CELF2: variants seen among roughly 807,000 people sequenced by gnomAD.
CELF2 encodes CUG triplet repeat RNA-binding protein 2.
In CELF2, 8 loss-of-function variants were observed where a neutral mutation model predicts 62.6. That is an observed-to-expected ratio of 0.13 (90% confidence interval 0.07 to 0.23). The LOEUF is 0.23. Ranked by LOEUF, CELF2 falls within the 10% of genes least tolerant of loss-of-function variation. The probability of loss-of-function intolerance (pLI) is 1.00; values close to 1 mark genes in which losing one functional copy is unlikely to be tolerated. For synonymous variants in CELF2, 258 were observed against 250.0 expected, an observed-to-expected ratio of 1.03 and a Z score of -0.30; for missense variants, 333 against 671.0, an observed-to-expected ratio of 0.50 and a Z score of 5.56.
At chr10:10,674,370 A>G in the CELF2 span, among the ~76,000 whole-genome samples, 1 of 152,124 alleles carries the variant, frequency 6.6e-6, no homozygotes, top group African/African-American at 2.4e-5. Flanking sequence ...AGCATGGTAT[A>G]TTGTTCTTTA....
chr10:11,209,985 A>G (rs563696634), intron 2 of CELF2, among the ~76,000 whole-genome samples: 2 of 152,332 alleles, frequency 1.3e-5, no homozygotes, highest in Middle Eastern at 3.4e-3. Flanking sequence ...GCAAATGCAC[A>G]TACAAAAGAG....
intron 1 of CELF2, among the ~76,000 whole-genome samples, chr10:11,021,953 T>C (rs2058385322): frequency 6.6e-6 from 1 of 152,222 alleles, no homozygotes; most frequent in South Asian, 2.1e-4. Flanking sequence ...CATATATTTA[T>C]TAACTAAGCA....
the CELF2 span, among the ~76,000 whole-genome samples, chr10:10,636,812 G>A: frequency 6.6e-6 from 1 of 152,154 alleles, no homozygotes; most frequent in Admixed American, 6.5e-5. Flanking sequence ...ATGAAGGGGA[G>A]GGGTTCACCA....
At chr10:10,721,062 C>G in the CELF2 span, among the ~76,000 whole-genome samples, 1 of 152,248 alleles carries the variant, frequency 6.6e-6, no homozygotes, top group African/African-American at 2.4e-5. Context: ...GGGTAAAGCA[C>G]TCTCGCACAG....
chr10:10,962,238 C>G (rs533536186), intron 2 of CELF2, among the ~76,000 whole-genome samples: 3 of 152,330 alleles, frequency 2.0e-5, no homozygotes, highest in Admixed American at 2.0e-4. Flanking sequence ...CACCACAGCA[C>G]CACAGCACCA....
the CELF2 span, among the ~76,000 whole-genome samples, chr10:10,744,668 C>CA: frequency 1.3e-5 from 2 of 151,668 alleles, no homozygotes; most frequent in Non-Finnish European, 2.9e-5. Context: ...ATTATACTAG[C>CA]AAAAATGATT....
At chr10:11,073,677 G>C (rs987839333) in intron 1 of CELF2, among the ~76,000 whole-genome samples, 3 of 152,208 alleles carry the variant, frequency 2.0e-5, no homozygotes, top group Non-Finnish European at 4.4e-5. Flanking sequence ...CATGGCATCA[G>C]AATGGCCTTG....
chr10:10,925,065 C>G (rs2065333733), intron 2 of CELF2: 1 of 152,160 alleles, frequency 6.6e-6, no homozygotes, highest in South Asian at 2.1e-4. Context: ...TAGGCAGAAA[C>G]GGTGGAAGCA....
intron 1 of CELF2, among the ~76,000 whole-genome samples, chr10:10,866,411 G>A (rs1227706432): frequency 6.6e-6 from 1 of 151,446 alleles, no homozygotes; most frequent in African/African-American, 2.4e-5. Flanking sequence ...TTTGAGACCA[G>A]CCTGGCCAAC....
chr10:11,138,540 G>C (rs182838840), intron 1 of CELF2, among the ~76,000 whole-genome samples: 1 of 152,116 alleles, frequency 6.6e-6, no homozygotes, highest in African/African-American at 2.4e-5. Flanking sequence ...ACACAGGATC[G>C]GGATACTCTG....
At chr10:10,806,980 A>T (rs1368303887) in intron 1 of CELF2, among the ~76,000 whole-genome samples, 5 of 152,224 alleles carry the variant, frequency 3.3e-5, no homozygotes, top group Non-Finnish European at 5.9e-5. Flanking sequence ...TTTTTGATCA[A>T]AGATAAACTA....
the CELF2 span, among the ~76,000 whole-genome samples, chr10:10,582,796 CCTT>C: frequency 9.2e-5 from 14 of 152,264 alleles, no homozygotes; most frequent in African/African-American, 3.4e-4. Flanking sequence ...CAGGTCATGA[CCTT>C]CTTCTGTATT....
At chr10:10,919,781 A>G (rs2064712313) in intron 1 of CELF2, among the ~76,000 whole-genome samples, 1 of 152,256 alleles carries the variant, frequency 6.6e-6, no homozygotes, top group South Asian at 2.1e-4. Context: ...GAAAGTAACC[A>G]TTGGAATGAT....
chr10:10,609,080 T>G, the CELF2 span, among the ~76,000 whole-genome samples: 2 of 152,212 alleles, frequency 1.3e-5, no homozygotes, highest in African/African-American at 2.4e-5. Flanking sequence ...TTGATTGTCA[T>G]GTCAATCACA....
the CELF2 span, among the ~76,000 whole-genome samples, chr10:10,572,469 G>T: frequency 6.6e-6 from 1 of 151,938 alleles, no homozygotes; most frequent in African/African-American, 2.4e-5. Context: ...TATTAAACCA[G>T]CATGCATCAG....
In CELF2 at chr10:10,985,903, A is replaced by G. The variant is rs560094329; in HGVS notation, c.89+65904A>G. On this transcript the variant is annotated intron_variant, in intron 2 of 13. Coordinates refer to the CELF2 transcript ENST00000636488. ...TGGAGTCACCCTGTCCAACCATAGA[A>G]TAGGCATGTGGGCTATGTTTGTAAA... Among the ~76,000 whole-genome samples, 122 of 152,326 alleles carry G rather than the reference A, an allele frequency of 8.0e-4. 2 individuals carry two copies. The South Asian group carries it at 0.024, about 31-fold the overall frequency.
chr10:10,634,948 C>G, the CELF2 span, among the ~76,000 whole-genome samples: 1 of 152,174 alleles, frequency 6.6e-6, no homozygotes, highest in East Asian at 1.9e-4. Context: ...AGCAGTCCTC[C>G]CTGTTTTGGC....
the CELF2 span, among the ~76,000 whole-genome samples, chr10:10,721,749 C>CA: frequency 6.6e-6 from 1 of 152,142 alleles, no homozygotes; most frequent in Non-Finnish European, 1.5e-5. Flanking sequence ...TAAACACAGT[C>CA]AGTTACAGCA....
rs757604508 is a variant in CELF2, at chr10:11,083,726, T to C, written c.74+65563T>C. On this transcript the variant is annotated intron_variant, in intron 1 of 12. Transcript: ENST00000633077. ...GGACTTGGGAGTCTGACAGCTTGAA[T>C]TGGACTCTGGGTTCCACCACTGACT... 2.0e-5 allele frequency among the ~76,000 whole-genome samples: 3 copies of C among 152,212 alleles called. No individual in the cohort carries two copies. In the South Asian group the frequency reaches 6.2e-4, roughly 32 times the overall value.
Sources: gnomAD v4.1 joint callset for allele counts (sites outside exome capture counted in the v4.1 genomes callset) on GRCh38, gnomAD v4.1.1 for gene constraint, MANE v1.5 for transcripts, NCBI Gene and HGNC (gene_info 2026-07-23, HGNC 2026-07-21) for gene names.